The following TANC1 variants were observed in gnomAD, a reference collection of about 807,000 sequenced individuals.
The protein encoded by TANC1 is tetratricopeptide repeat, ankyrin repeat and coiled-coil containing 1.
Under a neutral mutation model 149.7 loss-of-function variants are expected in TANC1, and 77 were observed. The ratio of observed to expected loss-of-function variants is 0.51; its 90% CI spans 0.43 to 0.62. The LOEUF (loss-of-function observed/expected upper bound fraction) is 0.62. Among genes scored for constraint, TANC1 ranks in the 20% least tolerant of loss-of-function variants. The probability of loss-of-function intolerance (pLI) is 0.00; values close to 1 mark genes in which losing one functional copy is unlikely to be tolerated. For missense variants in TANC1, 1,985 were observed against 2,321.8 expected, an observed-to-expected ratio of 0.85 and a Z score of 2.98; for synonymous variants, 854 against 925.0, an observed-to-expected ratio of 0.92 and a Z score of 1.39.
At chr2:159,117,734 A>G (rs1226603872) in intron 4 of TANC1, among the ~76,000 whole-genome samples, 2 of 107,672 alleles carry the variant, frequency 1.9e-5, no homozygotes, top group Non-Finnish European at 1.8e-5. Context: ...TTTTTTTTAA[A>G]GCTTATTCCC....
chr2:159,191,357 C>T (rs2057428992), intron 16 of TANC1, among the ~76,000 whole-genome samples: 1 of 152,194 alleles, frequency 6.6e-6, no homozygotes, highest in Non-Finnish European at 1.5e-5. Context: ...ACAGAGCATG[C>T]TGAGGGATAG....
intron 16 of TANC1, 21 bp downstream of exon 16, chr2:159,187,045 A>G (rs372912787): frequency 1.8e-4 from 285 of 1,613,336 alleles, no homozygotes; most frequent in Middle Eastern, 1.5e-3. Context: ...TTCTGCACAG[A>G]GAGCCGGAGA....
intron 4 of TANC1, among the ~76,000 whole-genome samples, chr2:159,099,973 T>G (rs2046514264): frequency 6.6e-6 from 1 of 152,152 alleles, no homozygotes; most frequent in Non-Finnish European, 1.5e-5. Context: ...ACTGAGTAGT[T>G]TTTTCTTCTT....
intron 9 of TANC1, among the ~76,000 whole-genome samples, chr2:159,170,189 A>C (rs1269126292): frequency 2.0e-5 from 3 of 152,194 alleles, no homozygotes; most frequent in Non-Finnish European, 4.4e-5. Context: ...ATGCAGTTCC[A>C]GATGAACCAA....
intron 2 of TANC1, among the ~76,000 whole-genome samples, chr2:159,032,616 G>A (rs2039874621): frequency 6.6e-6 from 1 of 152,112 alleles, no homozygotes; most frequent in African/African-American, 2.4e-5. Flanking sequence ...GTCAGTCGCA[G>A]CTTCTCAGGG....
chr2:159,128,059 CTT>C (rs977621461), intron 4 of TANC1, among the ~76,000 whole-genome samples: 5 of 152,168 alleles, frequency 3.3e-5, no homozygotes, highest in African/African-American at 9.7e-5. Context: ...TGTTAGGTGA[CTT>C]TTGTGTTTTC....
intron 2 of TANC1, among the ~76,000 whole-genome samples, chr2:159,016,582 T>G (rs1358397109): frequency 6.9e-6 from 1 of 145,460 alleles, no homozygotes; most frequent in African/African-American, 2.5e-5. Flanking sequence ...AAATTTTTTG[T>G]TTTTTTTTTT....
intron 4 of TANC1, among the ~76,000 whole-genome samples, chr2:159,129,664 G>T (rs1574856530): frequency 1.3e-5 from 2 of 152,024 alleles, no homozygotes; most frequent in Admixed American, 1.3e-4. Flanking sequence ...AATTTTAAGG[G>T]TCCTTTATAA....
At chr2:158,989,147 G>T (rs2035341915) in intron 1 of TANC1, among the ~76,000 whole-genome samples, 1 of 152,118 alleles carries the variant, frequency 6.6e-6, no homozygotes, top group Admixed American at 6.6e-5. Context: ...GCCCCTCAAA[G>T]ATACCCCCTG....
chr2:159,149,164 G>C lies in TANC1; in HGVS notation c.387G>C (p.Pro129=). 1 of 1,607,836 alleles carries C rather than the reference G, an allele frequency of 6.2e-7. No individual in the cohort carries two copies. Among genetic ancestry groups the C allele is most frequent in the African/African-American group, 1.3e-5 (1 of 74,896 alleles). Residue 129 remains proline, a synonymous_variant, in exon 6 of 27, where the codon CCG becomes CCC. Transcript: ENST00000263635. The stretch of plus-strand genomic sequence containing the variant: ...CAGAAGCAAAGGCCGATAATGAACC[G>C]AGCTGTTCGCCGGCAGCTCAAGAAC... The part of the protein sequence containing the change: ...DEHEAKADNE[P]SCSPAAQELL...
In TANC1 at chr2:159,196,841, C is replaced by T. The variant is rs374575444; in HGVS notation, c.3165+48C>T. ...TCCTGGGAAACAAGAAGCTGTAGCCCAGCAAGTCAGTTGACACACTGAAGG... is the reference window on the plus strand; with the variant it reads ...TCCTGGGAAACAAGAAGCTGTAGCCTAGCAAGTCAGTTGACACACTGAAGG... On this transcript the variant is annotated intron_variant, in intron 18 of 26. Coordinates refer to ENST00000263635, the MANE Select transcript of TANC1 (RefSeq NM_033394.3). 2.0e-4 allele frequency: 313 copies of T among 1,537,608 alleles called. 1 individual carries two copies. The highest frequency in any genetic ancestry group is 1.8e-3 in the Middle Eastern group (8 of 4,550).
chr2:159,021,260 C>G (rs1315894201), intron 2 of TANC1, among the ~76,000 whole-genome samples: 1 of 152,096 alleles, frequency 6.6e-6, no homozygotes, highest in Non-Finnish European at 1.5e-5. Flanking sequence ...GTAATCATCA[C>G]ATTCATCTCC....
intron 1 of TANC1, among the ~76,000 whole-genome samples, chr2:158,986,909 A>G (rs1159699825): frequency 6.6e-6 from 1 of 152,112 alleles, no homozygotes; most frequent in African/African-American, 2.4e-5. Context: ...AGAGATTTCT[A>G]GTGAAGCTTG....
chr2:159,062,973 C>CCAA (rs770866772), intron 2 of TANC1, among the ~76,000 whole-genome samples: 26 of 41,206 alleles, frequency 6.3e-4, no homozygotes, highest in South Asian at 1.2e-3. Flanking sequence ...GACTCCGTCT[C>CCAA]AAAAAAAAAA....
chr2:159,228,997 G>A, intron 26 of TANC1, 101 bp downstream of exon 26: 1 of 856,430 alleles, frequency 1.2e-6, no homozygotes, highest in Non-Finnish European at 1.9e-6. Flanking sequence ...TGTTGCTCAG[G>A]TGCCTCTCAT....
intron 4 of TANC1, among the ~76,000 whole-genome samples, chr2:159,102,833 T>C (rs1296213508): frequency 9.9e-5 from 9 of 90,760 alleles, no homozygotes; most frequent in African/African-American, 1.3e-4. Context: ...ATTCTCCTGC[T>C]TCAGCCTTCC....
chr2:159,036,978 A>G (rs1242936575), intron 2 of TANC1, among the ~76,000 whole-genome samples: 1 of 152,152 alleles, frequency 6.6e-6, no homozygotes, highest in African/African-American at 2.4e-5. Context: ...TCCCACCAAC[A>G]GTGTAAAAGT....
rs140879594 is a variant in TANC1 at position 159,225,229 on chromosome 2, G to A, written c.3812-459G>A. On this transcript the variant is annotated intron_variant, in intron 23 of 26. Coordinates refer to ENST00000263635, the MANE Select transcript of TANC1 (RefSeq NM_033394.3). ...GCACTCCTCCCACAGTGTCCCGAGA[G>A]CTCAGGCAGGGGTTAGAGAGGTTGT... The A allele has an allele frequency of 2.2e-3, 452 of 204,830 alleles. 6 individuals carry two copies. The highest frequency in any genetic ancestry group is 9.8e-3 in the African/African-American group (415 of 42,518). 12.7% of individuals were successfully genotyped at this position (204,830 alleles called of 1,614,324 possible). A position where few individuals can be genotyped will look rare whatever the true frequency, so the allele number is the denominator to read the frequency against.
intron 2 of TANC1, among the ~76,000 whole-genome samples, chr2:159,061,517 C>T (rs1337050807): frequency 2.0e-5 from 3 of 152,216 alleles, no homozygotes; most frequent in Admixed American, 6.5e-5. Flanking sequence ...TATTAGGCCT[C>T]ATTCCCTTTT....
Sources: allele counts gnomAD v4.1 joint callset (sites outside exome capture counted in the v4.1 genomes callset), GRCh38; gene constraint gnomAD v4.1.1; transcripts MANE v1.5; gene names NCBI Gene and HGNC (gene_info 2026-07-23, HGNC 2026-07-21).